Variants in TRIP4 observed in about 807,000 individuals in gnomAD.
TRIP4 encodes the protein thyroid hormone receptor interactor 4.
Under a neutral mutation model 81.8 loss-of-function variants are expected in TRIP4, and 54 were observed. The observed-to-expected ratio is 0.66, with a 90% CI of 0.53 to 0.83. The LOEUF is 0.83. TRIP4 is among the 40% of genes least tolerant of loss of function. The pLI is 0.00. For synonymous variants in TRIP4, 270 were observed against 242.8 expected (o/e 1.11, Z -1.04); for missense variants, 662 against 683.6 (o/e 0.97, Z 0.35).
intron 11 of TRIP4, among the ~76,000 whole-genome samples, chr15:64,429,368 AT>A (rs1892220673): frequency 6.6e-6 from 1 of 152,182 alleles, no homozygotes; most frequent in African/African-American, 2.4e-5. Flanking sequence ...CTAATCTATT[AT>A]ACCAGCCTCA....
chr15:64,429,060 A>G (rs899282233), intron 11 of TRIP4, among the ~76,000 whole-genome samples: 3 of 151,618 alleles, frequency 2.0e-5, no homozygotes, highest in South Asian at 4.2e-4. Context: ...CATGCCTATA[A>G]TCCCAGCACT....
At chr15:64,422,741 A>C (rs978641586) in intron 9 of TRIP4, among the ~76,000 whole-genome samples, 2 of 152,244 alleles carry the variant, frequency 1.3e-5, no homozygotes, top group African/African-American at 4.8e-5. Context: ...CGAAAGAATG[A>C]GCAGCATCTA....
At chr15:64,399,207 C>T (rs375825570) in intron 4 of TRIP4, among the ~76,000 whole-genome samples, 32 of 152,144 alleles carry the variant, frequency 2.1e-4, no homozygotes, top group African/African-American at 7.2e-4. Context: ...CCATCTCAGC[C>T]TCCCAAAGTG....
chr15:64,443,018 C>T lies in TRIP4; in HGVS notation c.1576-1988C>T, dbSNP rs183335866. ...AAAAAAAAAAAAAAGATGAGAACTG[C>T]GAATTGACCGTTTGATTTAGCAGCA... On this transcript the variant is annotated intron_variant, in intron 11 of 12. Coordinates refer to ENST00000261884, the MANE Select transcript of TRIP4 (RefSeq NM_016213.5). Among the ~76,000 whole-genome samples, 378 of 150,380 alleles carry T rather than the reference C, an allele frequency of 2.5e-3. 5 individuals carry two copies. The highest frequency in any genetic ancestry group is 0.016 in the Admixed American group (247 of 15,100).
In TRIP4 at chr15:64,406,329, G is replaced by T; in HGVS notation, c.698-1G>T. ...CATTTGACTTCCTTATTGAATTTCA[G>T]GAGTGGAGAATTCTGGAAAGGTGGA... On this transcript the variant is annotated splice_acceptor_variant, in intron 5 of 12. Coordinates refer to ENST00000261884, the MANE Select transcript of TRIP4 (RefSeq NM_016213.5). LOFTEE classifies it high-confidence loss of function. 6.2e-7 allele frequency: 1 copy of T among 1,613,002 alleles called. No homozygotes were observed. The highest frequency in any genetic ancestry group is 8.5e-7 in the Non-Finnish European group (1 of 1,179,694).
At chr15:64,453,792 G>A (rs1456636455) in intron 12 of TRIP4, among the ~76,000 whole-genome samples, 1 of 152,174 alleles carries the variant, frequency 6.6e-6, no homozygotes, top group Non-Finnish European at 1.5e-5. Flanking sequence ...TGGGCAAGAG[G>A]AGATTTAAGT....
At chr15:64,410,120 G>T (rs1203805332) in intron 7 of TRIP4, among the ~76,000 whole-genome samples, 1 of 149,150 alleles carries the variant, frequency 6.7e-6, no homozygotes, top group African/African-American at 2.5e-5. Flanking sequence ...CCGCCTCCCA[G>T]GTTCAAGCCA....
At chr15:64,441,137 C>T (rs1020909905) in intron 11 of TRIP4, among the ~76,000 whole-genome samples, 59 of 152,032 alleles carry the variant, frequency 3.9e-4, no homozygotes, top group African/African-American at 1.4e-3. Context: ...GCTGGGACTA[C>T]TGGTGCCCGC....
chr15:64,435,488 T>G (rs1348176063), intron 11 of TRIP4, among the ~76,000 whole-genome samples: 2 of 146,586 alleles, frequency 1.4e-5, no homozygotes, highest in South Asian at 2.2e-4. Flanking sequence ...ATCGCGCCAC[T>G]GCATTCCAAC....
chr15:64,443,870 A>T (rs1376840349), intron 11 of TRIP4, among the ~76,000 whole-genome samples: 1 of 152,106 alleles, frequency 6.6e-6, no homozygotes, highest in East Asian at 1.9e-4. Context: ...AAAAAACAAA[A>T]CAAAAACAAA....
intron 2 of TRIP4, 34 bp from the exon 3 acceptor site, chr15:64,395,363 TG>T (rs1409305012): frequency 6.3e-7 from 1 of 1,581,176 alleles, no homozygotes; most frequent in Non-Finnish European, 8.6e-7. Flanking sequence ...TATCAATCTG[TG>T]TGTGTGTGTA....
At chr15:64,453,974 A>G (rs1180358314) in intron 12 of TRIP4, among the ~76,000 whole-genome samples, 3 of 152,158 alleles carry the variant, frequency 2.0e-5, no homozygotes. Context: ...GTGGACTAGA[A>G]CCTGGGTCTT....
At chr15:64,435,541 AATAT>A (rs1440314448) in intron 11 of TRIP4, among the ~76,000 whole-genome samples, 2 of 149,982 alleles carry the variant, frequency 1.3e-5, no homozygotes, top group Non-Finnish European at 3.0e-5. Flanking sequence ...AAAAAAAAAA[AATAT>A]TATTATTGCT....
intron 7 of TRIP4, among the ~76,000 whole-genome samples, chr15:64,412,663 A>G (rs964853383): frequency 2.6e-5 from 4 of 152,070 alleles, no homozygotes; most frequent in Non-Finnish European, 5.9e-5. Flanking sequence ...AATTGAATTG[A>G]AGGTCAAGTT....
intron 11 of TRIP4, 88 bp from the exon 12 acceptor site, chr15:64,444,918 T>C (rs2140313025): frequency 1.4e-6 from 1 of 692,726 alleles, no homozygotes; most frequent in East Asian, 2.6e-5. Flanking sequence ...CATCAGAATG[T>C]TGAGGTGAAA....
intron 5 of TRIP4, among the ~76,000 whole-genome samples, chr15:64,402,159 C>T (rs1482112479): frequency 6.6e-6 from 1 of 151,654 alleles, no homozygotes; most frequent in Non-Finnish European, 1.5e-5. Context: ...AGGAACTCTA[C>T]TTATTTTCTA....
At chr15:64,406,611 T>C (rs1891628638) in intron 6 of TRIP4, 152 bp downstream of exon 6, 1 of 902,672 alleles carries the variant, frequency 1.1e-6, no homozygotes, top group Non-Finnish European at 1.6e-6. Flanking sequence ...GCCTACATCT[T>C]GTTTTTTAAT....
chr15:64,415,128 A>G (rs1176386356), intron 8 of TRIP4, among the ~76,000 whole-genome samples: 1 of 151,966 alleles, frequency 6.6e-6, no homozygotes, highest in Non-Finnish European at 1.5e-5. Flanking sequence ...TGAAAAATAT[A>G]TGTTTGGGAA....
chr15:64,418,996 A>G (rs773607241), intron 9 of TRIP4, among the ~76,000 whole-genome samples: 1 of 152,136 alleles, frequency 6.6e-6, no homozygotes, highest in Non-Finnish European at 1.5e-5. Flanking sequence ...TAAGAAAGTC[A>G]TAACAAAGAT....
Sources: gnomAD v4.1 joint callset for allele counts (sites outside exome capture counted in the v4.1 genomes callset) on GRCh38, gnomAD v4.1.1 for gene constraint, MANE v1.5 for transcripts, NCBI Gene and HGNC (gene_info 2026-07-23, HGNC 2026-07-21) for gene names.